The following ZNF142 variants were observed in gnomAD, a reference collection of about 807,000 sequenced individuals.
ZNF142 encodes the protein zinc finger protein 142 (clone pHZ-49).
A neutral mutation model predicts 132.1 loss-of-function variants in ZNF142; 96 were observed. The ratio of observed to expected loss-of-function variants is 0.73; its 90% CI spans 0.62 to 0.86. The LOEUF (loss-of-function observed/expected upper bound fraction) is 0.86. Ranked by LOEUF, ZNF142 falls within the 40% of genes least tolerant of loss-of-function variation. The probability of loss-of-function intolerance (pLI) is 0.00; values close to 1 mark genes in which losing one functional copy is unlikely to be tolerated. For synonymous variants in ZNF142, 842 were observed against 890.1 expected (o/e 0.95, Z 0.96); for missense variants, 2,163 against 2,336.2 (o/e 0.93, Z 1.53).
At chr2:218,641,827 T>C (rs1697218586) in intron 9 of ZNF142, among the ~76,000 whole-genome samples, 1 of 152,202 alleles carries the variant, frequency 6.6e-6, no homozygotes, top group African/African-American at 2.4e-5. Flanking sequence ...GTGAGCCACA[T>C]TATGGAACTT....
At position 218,644,422 on chromosome 2, in the gene ZNF142, C is replaced by T. The variant is rs780211020; in HGVS notation, c.2694G>A (p.Glu898=). Residue 898 remains glutamate (E), a synonymous_variant, in exon 9 of 11, where the codon GAG becomes GAA. Coordinates refer to ENST00000411696, the MANE Select transcript of ZNF142 (RefSeq NM_001379659.1). This position sits in a 1 kb window ranked among gnomAD's most constrained non-coding sequence, Gnocchi z 4.6. ...CAGACTCCAGCTCTACTCCCAGGGC[C>T]TCTAGGTGTAGTGTGCAGCTGCCCT... ...VEEGSCTLHL[E]ALGVELESVT... is the part of the protein sequence containing the mutation. 6.2e-7 allele frequency: 1 copy of T among 1,614,016 alleles called. No individual in the cohort carries two copies. Among genetic ancestry groups the T allele is most frequent in the East Asian group, 2.2e-5 (1 of 44,882 alleles).
In ZNF142 at chr2:218,635,961, G is replaced by A. The variant is rs1307960044; in HGVS notation, c.*2378C>T. ...GAAACTGGCAGTGCTGGGGAGGTGG[G>A]GGTAGGAGCATGATTAGTTTTCCTT... On this transcript the variant is annotated 3_prime_UTR_variant, in exon 11 of 11. Transcript: ENST00000411696. The A allele has an allele frequency of 1.2e-6, 2 of 1,613,806 alleles. No individual in the cohort carries two copies. Among genetic ancestry groups the A allele is most frequent in the South Asian group, 2.2e-5 (2 of 91,060 alleles).
At chr2:218,657,914 T>C (rs1938698600) in intron 3 of ZNF142, among the ~76,000 whole-genome samples, 1 of 152,228 alleles carries the variant, frequency 6.6e-6, no homozygotes, top group Non-Finnish European at 1.5e-5. Flanking sequence ...ATACTGACAT[T>C]ATCACTTCAA....
chr2:218,656,295 A>G lies in ZNF142; in HGVS notation c.135T>C (p.Pro45=). ...TAGGTATAGGTGCAGGGTCCCGGGA[A>G]GGACAGGGGCTCTGGACAGGCCCCA... ...GILGPVQSPC[P]SRDPAPIPTE... is the part of the protein sequence containing the mutation. Residue 45 remains proline (P), a synonymous_variant, in exon 4 of 11, where the codon CCT becomes CCC. Transcript: ENST00000411696. 1 of 1,612,606 alleles carries G rather than the reference A, an allele frequency of 6.2e-7. No individual in the cohort carries two copies. The highest frequency in any genetic ancestry group is 8.5e-7 in the Non-Finnish European group (1 of 1,179,244).
intron 7 of ZNF142, 66 bp from the exon 8 acceptor site, chr2:218,646,414 T>C: frequency 1.9e-6 from 3 of 1,564,790 alleles, no homozygotes; most frequent in Non-Finnish European, 2.6e-6. Context: ...GGACAGACCA[T>C]TTCTTCCAGC....
rs1937788791 is a variant in ZNF142, at chr2:218,649,550, G to A, written c.1049-91C>T. 9.9e-6 allele frequency: 12 copies of A among 1,210,706 alleles called. No homozygotes were observed. The Admixed American group carries it at 1.3e-4, about 14-fold the overall frequency. The allele number at this position is 1,210,706 out of a possible 1,614,324, so 75.0% of individuals were successfully genotyped here. A position where few individuals can be genotyped will look rare whatever the true frequency, so the allele number is the denominator to read the frequency against. ...AACCACAATTTGCTCAGACACAAAC[G>A]ATGTGTGGCCTCTCTGCAGGAAACC... On this transcript the variant is annotated intron_variant, in intron 6 of 10. Transcript: ENST00000411696.
In ZNF142 at chr2:218,649,158, T is replaced by C; in HGVS notation, c.1350A>G (p.Ser450=). The stretch of plus-strand genomic sequence containing the variant: ...GGCAGACAGGACAGGCATAGGTGTC[T>C]GAGTAGAAGTTGGAAATATCTTCAT... ...SMHEDISNFY[S]DTYACPVCRE... The change falls in exon 7 of 11, where the codon TCA becomes TCG. Residue 450 remains serine, a synonymous_variant. Transcript: ENST00000411696. 1 of 1,614,206 alleles carries C rather than the reference T, an allele frequency of 6.2e-7. No individual in the cohort carries two copies.
chr2:218,633,872 A>ACCCC lies in ZNF142; in HGVS notation c.*4466_*4467insGGGG. 7.3e-6 allele frequency: 10 copies of ACCCC among 1,369,052 alleles called. No homozygotes were observed. The highest frequency in any genetic ancestry group is 1.0e-5 in the Non-Finnish European group (10 of 988,612). The allele number at this position is 1,369,052 out of a possible 1,614,324, so 84.8% of individuals were successfully genotyped here. ...AGACAAGGTAGCTAAGGAGAGATGA[A>ACCCC]GGAGTTCAGAAACTCCTTAGAGCAG... is the stretch of plus-strand genomic sequence containing the variant. On this transcript the variant is annotated 3_prime_UTR_variant, in exon 11 of 11. Transcript: ENST00000411696.
chr2:218,648,775 G>T lies in ZNF142; in HGVS notation c.1733C>A (p.Pro578His), dbSNP rs776870429. The T allele has an allele frequency of 1.9e-6, 3 of 1,614,086 alleles. No individual in the cohort carries two copies. Among genetic ancestry groups the T allele is most frequent in the Admixed American group, 1.7e-5 (1 of 59,988 alleles). The change falls in exon 7 of 11, where the codon CCC (proline) becomes CAC (histidine). Residue 578 changes from proline (P) to histidine (H), a missense_variant. Physicochemically the swap from Pro to His is moderately conservative, Grantham distance 77 (BLOSUM62 -2). Transcript: ENST00000411696. ...GSEELRCTFC[P>H]FATFNPVAYQ... ...AGCCACTGGGTTGAAGGTGGCAAAG[G>T]GGCAGAAGGTGCAGCGCAGCTCTTC...
chr2:218,640,727 G>A lies in ZNF142; in HGVS notation c.5131C>T (p.Pro1711Ser). ...IHKEERKYLCPECGYKCKWVN... is the reference protein window; with the variant it reads ...IHKEERKYLCSECGYKCKWVN... ...CACTTGCACTTGTAGCCACACTCAG[G>A]GCACAGGTACTTCCGTTCCTCCTTG... The change falls in exon 10 of 11, where the codon CCT becomes TCT. Residue 1711 changes from proline to serine, a missense_variant. This residue lies in a region of ZNF142 where 325 missense variants were observed against 367.8 expected (regional missense o/e 0.88). Coordinates refer to ENST00000411696, the MANE Select transcript of ZNF142 (RefSeq NM_001379659.1). 6.2e-7 allele frequency: 1 copy of A among 1,614,166 alleles called. No homozygotes were observed. The highest frequency in any genetic ancestry group is 1.1e-5 in the South Asian group (1 of 91,090).
At chr2:218,646,023 G>T (rs1372540915) in intron 8 of ZNF142, 148 bp downstream of exon 8, 2 of 1,102,462 alleles carry the variant, frequency 1.8e-6, no homozygotes, top group Non-Finnish European at 2.6e-6. Context: ...AAAGTGCTGG[G>T]ATTACAGGTG....
At position 218,634,345 on chromosome 2, in the gene ZNF142, G is replaced by T. The variant is rs1696584167; in HGVS notation, c.*3994C>A. The T allele has an allele frequency of 6.4e-6, 10 of 1,572,574 alleles. No individual in the cohort carries two copies. The highest frequency in any genetic ancestry group is 1.8e-5 in the Admixed American group (1 of 55,570). On this transcript the variant is annotated 3_prime_UTR_variant, in exon 11 of 11. Transcript: ENST00000411696. This position sits in a 1 kb window ranked among gnomAD's most constrained non-coding sequence, Gnocchi z 4.0. The stretch of plus-strand genomic sequence containing the variant: ...TGCTAGGCTGAGAAATGCTATCAGT[G>T]GATATTACCAGCAGGTACCGTGCAC...
At chr2:218,654,812 C>T (rs1208798868) in intron 4 of ZNF142, among the ~76,000 whole-genome samples, 1 of 151,356 alleles carries the variant, frequency 6.6e-6, no homozygotes, top group Non-Finnish European at 1.5e-5. Flanking sequence ...CTGCTGGGTG[C>T]GATGGCTCAT....
In ZNF142 at chr2:218,643,559, G is replaced by A. The variant is rs1452213204; in HGVS notation, c.3557C>T (p.Pro1186Leu). ...CTCCGTGGGTGAGGAGTTTCCTGCAGGAGGGACTGGGTCAAAGCAGTGCTT... is the reference window on the plus strand; with the variant it reads ...CTCCGTGGGTGAGGAGTTTCCTGCAAGAGGGACTGGGTCAAAGCAGTGCTT... ...PKKHCFDPVP[P>L]AGNSSPTEAP... Residue 1186 changes from proline to leucine, a missense_variant, in exon 9 of 11, where the codon CCT becomes CTT. Physicochemically the swap from Pro to Leu is moderately conservative, Grantham distance 98. This residue lies in a region of ZNF142 where 809 missense variants were observed against 801.7 expected (regional missense o/e 1.01). Transcript: ENST00000411696. 1 of 1,603,238 alleles carries A rather than the reference G, an allele frequency of 6.2e-7. No homozygotes were observed. Among genetic ancestry groups the A allele is most frequent in the Non-Finnish European group, 8.5e-7 (1 of 1,173,920 alleles).
rs528171461 is a variant in ZNF142, at chr2:218,649,532, A to G, written c.1049-73T>C. 2.4e-4 allele frequency: 325 copies of G among 1,375,392 alleles called. 1 individual carries two copies. The African/African-American group carries it at 4.2e-3, about 18-fold the overall frequency. 85.2% of individuals were successfully genotyped at this position (1,375,392 alleles called of 1,614,324 possible). A position where few individuals can be genotyped will look rare whatever the true frequency, so the allele number is the denominator to read the frequency against. On this transcript the variant is annotated intron_variant, in intron 6 of 10. Coordinates refer to ENST00000411696, the MANE Select transcript of ZNF142 (RefSeq NM_001379659.1). ...AAAGCCAGATAATGGGAGAACCACA[A>G]TTTGCTCAGACACAAACGATGTGTG...
At chr2:218,648,605 A>T in intron 7 of ZNF142, 30 bp downstream of exon 7, 1 of 1,594,428 alleles carries the variant, frequency 6.3e-7, no homozygotes, top group Admixed American at 1.7e-5. Flanking sequence ...CATTATTACA[A>T]CATTATTTTA....
In ZNF142 at chr2:218,642,979, G is replaced by C. The variant is rs777380299; in HGVS notation, c.4137C>G (p.Thr1379=). The change falls in exon 9 of 11, where the codon ACC becomes ACG. Residue 1379 remains threonine, a synonymous_variant. Coordinates refer to ENST00000411696, the MANE Select transcript of ZNF142 (RefSeq NM_001379659.1). The surrounding 1 kb of genome is among the most constrained non-coding windows in gnomAD (Gnocchi z 4.6). ...GCTGCATGCAACGGCTCTGTTTACA[G>C]GTGAAGCCACAGTCCCCACACTGTA... The part of the protein sequence containing the change: ...PHLQCGDCGF[T]CKQSRCMQQH... 6.2e-7 allele frequency: 1 copy of C among 1,613,142 alleles called. No homozygotes were observed. Among genetic ancestry groups the C allele is most frequent in the Non-Finnish European group, 8.5e-7 (1 of 1,179,674 alleles).
Position 218,648,665 on chromosome 2 carries a change from C to A in ZNF142, c.1843G>T (p.Val615Leu), listed in dbSNP as rs1409253283. The A allele has an allele frequency of 5.0e-6, 8 of 1,614,078 alleles. No individual in the cohort carries two copies. Among genetic ancestry groups the A allele is most frequent in the Non-Finnish European group, 6.8e-6 (8 of 1,179,900 alleles). Residue 615 changes from valine (V) to leucine (L), a missense_variant, in exon 7 of 11, where the codon GTG (valine) becomes TTG (leucine). Around this residue, in one of 7 missense-constraint regions of ZNF142, gnomAD observed 749 missense variants for 830.3 expected, o/e 0.90. Coordinates refer to ENST00000411696, the MANE Select transcript of ZNF142 (RefSeq NM_001379659.1). ...ECNFATAHKR[V>L]LIRHMLLHTG... ...TGTAGAAGCATGTGTCGGATGAGCA[C>A]CCTCTTGTGGGCAGTGGCAAAGTTG...
At chr2:218,656,028 C>T in intron 4 of ZNF142, 122 bp downstream of exon 4, 1 of 1,247,738 alleles carries the variant, frequency 8.0e-7, no homozygotes, top group Non-Finnish European at 1.1e-6. Context: ...ATGACAACAT[C>T]TCCAAGTATA....
Sources: gnomAD v4.1 joint callset for allele counts (sites outside exome capture counted in the v4.1 genomes callset) on GRCh38, gnomAD v4.1.1 for gene constraint, gnomAD v4.1.1 regional missense constraint, Gnocchi (gnomAD v3.1) non-coding constraint, MANE v1.5 for transcripts, NCBI Gene and HGNC (gene_info 2026-07-23, HGNC 2026-07-21) for gene names.